MCM8: variants seen among roughly 807,000 people sequenced by gnomAD.
MCM8 encodes the protein DNA helicase MCM8.
MCM8 carries 85 observed loss-of-function variants against 98.9 expected under a neutral mutation model. That is an observed-to-expected ratio of 0.86 (90% CI 0.72 to 1.03). The LOEUF (loss-of-function observed/expected upper bound fraction) is 1.03. Ranked by LOEUF, MCM8 falls within the 50% of genes least tolerant of loss-of-function variation. MCM8 has a pLI of 0.00. For missense variants in MCM8, 951 were observed against 997.8 expected, an observed-to-expected ratio of 0.95 and a Z score of 0.63; for synonymous variants, 352 against 338.6, an observed-to-expected ratio of 1.04 and a Z score of -0.44.
chr20:5,986,054 C>T lies in MCM8; in HGVS notation c.2086C>T (p.Leu696Phe), dbSNP rs1568597098. 3 of 1,614,182 alleles carry T rather than the reference C, an allele frequency of 1.9e-6. No homozygotes were observed. The highest frequency in any genetic ancestry group is 2.5e-6 in the Non-Finnish European group (3 of 1,180,026). Residue 696 changes from leucine (L) to phenylalanine (F), a missense_variant, in exon 16 of 19, where the codon CTC (leucine) becomes TTC (phenylalanine). Physicochemically the swap from Leu to Phe is conservative, Grantham distance 22. Transcript: ENST00000610722. ...ARVLQDFYLE[L>F]RKQSQRLNSS... ...AGTTCTTCAAGATTTTTACCTTGAGCTCCGGAAACAGAGCCAGAGGTTAAA... is the reference window on the plus strand; with the variant it reads ...AGTTCTTCAAGATTTTTACCTTGAGTTCCGGAAACAGAGCCAGAGGTTAAA...
At chr20:5,973,279 AGT>A in intron 12 of MCM8, 83 bp downstream of exon 12, 1 of 1,552,208 alleles carries the variant, frequency 6.4e-7, no homozygotes, top group Non-Finnish European at 8.8e-7. Flanking sequence ...CAAAGCATGT[AGT>A]GTGTGTGTTC....
intron 6 of MCM8, among the ~76,000 whole-genome samples, chr20:5,957,563 A>G (rs1170963159): frequency 6.6e-6 from 1 of 152,200 alleles, no homozygotes; most frequent in African/African-American, 2.4e-5. Context: ...TGAAATCTGA[A>G]ATGCTCCAAA....
intron 13 of MCM8, among the ~76,000 whole-genome samples, chr20:5,980,853 CAG>C (rs889804535): frequency 7.8e-6 from 1 of 128,124 alleles, no homozygotes; most frequent in African/African-American, 3.0e-5. Flanking sequence ...GCCTGGGTAA[CAG>C]AACGAAACTC....
At chr20:5,980,510 T>C (rs998184848) in intron 13 of MCM8, among the ~76,000 whole-genome samples, 8 of 152,222 alleles carry the variant, frequency 5.3e-5, no homozygotes, top group South Asian at 4.1e-4. Flanking sequence ...ATATCTTTGC[T>C]AAGTTACCAG....
chr20:5,955,710 G>GT (rs1402674717), intron 5 of MCM8, among the ~76,000 whole-genome samples: 3 of 151,872 alleles, frequency 2.0e-5, no homozygotes, highest in Non-Finnish European at 2.9e-5. Context: ...GCTTGCCTGA[G>GT]TTTTTTTTCA....
At chr20:5,985,620 AC>A (rs2089716146) in intron 15 of MCM8, among the ~76,000 whole-genome samples, 1 of 151,502 alleles carries the variant, frequency 6.6e-6, no homozygotes, top group African/African-American at 2.4e-5. Context: ...ATCTTGGCTC[AC>A]TGCAACCTCT....
Position 5,952,488 on chromosome 20 carries a change from A to T in MCM8, c.213A>T (p.Arg71=). ...TPQSMQSTLD[R]FIPYKGWKLY... Reference sequence around the variant, plus strand: ...AGTCAATGCAGTCAACATTGGATCGATTCATACCATATAAAGGCTGGAAGC... The same window carrying T: ...AGTCAATGCAGTCAACATTGGATCGTTTCATACCATATAAAGGCTGGAAGC... Residue 71 remains arginine (R), a synonymous_variant, in exon 3 of 19, where the codon CGA becomes CGT. Transcript: ENST00000610722. The T allele has an allele frequency of 6.2e-7, 1 of 1,614,090 alleles. No individual in the cohort carries two copies. Among genetic ancestry groups the T allele is most frequent in the African/African-American group, 1.3e-5 (1 of 75,050 alleles).
In MCM8 at chr20:5,994,840, T is replaced by C; in HGVS notation, c.*449T>C. On this transcript the variant is annotated 3_prime_UTR_variant, in exon 19 of 19. Transcript: ENST00000610722. Reference sequence around the variant, plus strand: ...AGGAGGATTCTTTGAGCCCAGGAGTTTGAGGTTACAGTGAGCCACAATCAC... The same window carrying C: ...AGGAGGATTCTTTGAGCCCAGGAGTCTGAGGTTACAGTGAGCCACAATCAC... 7.6e-6 allele frequency: 3 copies of C among 396,570 alleles called. No homozygotes were observed. Among genetic ancestry groups the C allele is most frequent in the Non-Finnish European group, 1.0e-5 (2 of 200,550 alleles). 24.6% of individuals were successfully genotyped at this position (396,570 alleles called of 1,614,324 possible).
Position 5,997,585 on chromosome 20 carries a change from G to C in MCM8, c.*3194G>C, listed in dbSNP as rs1451248983. 6.6e-6 allele frequency: 1 copy of C among 152,362 alleles called. No individual in the cohort carries two copies. Among genetic ancestry groups the C allele is most frequent in the Non-Finnish European group, 1.5e-5 (1 of 68,306 alleles). 9.4% of individuals were successfully genotyped at this position (152,362 alleles called of 1,614,324 possible). On this transcript the variant is annotated 3_prime_UTR_variant, in exon 19 of 19. Coordinates refer to ENST00000610722, the MANE Select transcript of MCM8 (RefSeq NM_032485.6). ...CCACCTCAGCCTCCTGAATAGCTGA[G>C]ACTACAGGCATGCACCACTACACCT...
In MCM8 at chr20:5,994,330, T is replaced by C. The variant is rs1287706003; in HGVS notation, c.2462T>C (p.Leu821Pro). The change falls in exon 19 of 19, where the codon CTA (leucine) becomes CCA (proline). Residue 821 changes from leucine (L) to proline (P), a missense_variant. Transcript: ENST00000610722. ...VADFENFIGS[L>P]NDQGYLLKKG... is the part of the protein sequence containing the mutation. ...GATTTTGAAAATTTTATTGGATCAC[T>C]AAATGACCAGGGTTACCTCTTGAAA... 1 of 1,606,362 alleles carries C rather than the reference T, an allele frequency of 6.2e-7. No individual in the cohort carries two copies. Among genetic ancestry groups the C allele is most frequent in the Admixed American group, 1.7e-5 (1 of 58,294 alleles).
intron 10 of MCM8, among the ~76,000 whole-genome samples, chr20:5,969,593 CAA>C (rs11364488): frequency 5.7e-4 from 60 of 104,652 alleles, no homozygotes; most frequent in African/African-American, 7.9e-4. Flanking sequence ...CTCTGTCTCA[CAA>C]AAAAAAAAAA....
chr20:5,959,127 T>C (rs2089067898), intron 7 of MCM8, among the ~76,000 whole-genome samples: 2 of 151,458 alleles, frequency 1.3e-5, no homozygotes, highest in South Asian at 4.2e-4. Context: ...TTCTACTATT[T>C]AGAAGTGATG....
chr20:5,972,205 T>A (rs937617544), intron 11 of MCM8, among the ~76,000 whole-genome samples, 168 bp downstream of exon 11: 13 of 151,628 alleles, frequency 8.6e-5, no homozygotes, highest in African/African-American at 1.5e-4. Context: ...TTTTTTTTTT[T>A]AATTTTTTTA....
At chr20:5,978,869 C>T (rs926054713) in intron 13 of MCM8, among the ~76,000 whole-genome samples, 2 of 152,136 alleles carry the variant, frequency 1.3e-5, no homozygotes, top group East Asian at 1.9e-4. Context: ...TGGCCTACTT[C>T]AGAATGAATA....
At position 5,997,407 on chromosome 20, in the gene MCM8, C is replaced by T. The variant is rs78683040; in HGVS notation, c.*3016C>T. On this transcript the variant is annotated 3_prime_UTR_variant, in exon 19 of 19. Coordinates refer to ENST00000610722, the MANE Select transcript of MCM8 (RefSeq NM_032485.6). ...GTTGGTGAGGCTGGTTTTTAACTCC[C>T]GAACTCAGGTGATTGCCTGCCTCGG... is the stretch of plus-strand genomic sequence containing the variant. 6,541 of 152,064 alleles carry T rather than the reference C, an allele frequency of 0.043. 284 individuals carry two copies. The highest frequency in any genetic ancestry group is 0.12 in the South Asian group (579 of 4,820). 9.4% of individuals were successfully genotyped at this position (152,064 alleles called of 1,614,324 possible).
Position 5,994,994 on chromosome 20 carries a change from A to G in MCM8, c.*603A>G, listed in dbSNP as rs1457341211. ...AAAGGGCTAAAAGTAAATTACTTAT[A>G]AATTTTTTATAGTTGTATTTTTGAC... On this transcript the variant is annotated 3_prime_UTR_variant, in exon 19 of 19. Coordinates refer to ENST00000610722, the MANE Select transcript of MCM8 (RefSeq NM_032485.6). 5.7e-6 allele frequency: 1 copy of G among 174,754 alleles called. No homozygotes were observed. 10.8% of individuals were successfully genotyped at this position (174,754 alleles called of 1,614,324 possible). A position where few individuals can be genotyped will look rare whatever the true frequency, so the allele number is the denominator to read the frequency against.
At position 5,965,711 on chromosome 20, in the gene MCM8, T is replaced by G. The variant is rs1327030150; in HGVS notation, c.876-1725T>G. Among the ~76,000 whole-genome samples the G allele has an allele frequency of 7.9e-5, 12 of 152,352 alleles. No homozygotes were observed. The East Asian group carries it at 2.3e-3, about 29-fold the overall frequency. The stretch of plus-strand genomic sequence containing the variant: ...TCCCACATTTTAGTGTGCATCATAT[T>G]TGGACTGTAACTTTGTCATTTAGTA... On this transcript the variant is annotated intron_variant, in intron 8 of 18. Transcript: ENST00000610722.
rs1372132648 is a variant in MCM8, at chr20:5,986,220, G to A, written c.2163+89G>A. 4 of 1,195,982 alleles carry A rather than the reference G, an allele frequency of 3.3e-6. No homozygotes were observed. The South Asian group carries it at 5.3e-5, about 16-fold the overall frequency. 74.1% of individuals were successfully genotyped at this position (1,195,982 alleles called of 1,614,324 possible). A position where few individuals can be genotyped will look rare whatever the true frequency, so the allele number is the denominator to read the frequency against. ...CTTTTGAAGTATTTTCTGCATAATT[G>A]ACTCCATTTTCCTTTCTATAGAGAG... On this transcript the variant is annotated intron_variant, in intron 16 of 18. Coordinates refer to ENST00000610722, the MANE Select transcript of MCM8 (RefSeq NM_032485.6).
intron 8 of MCM8, among the ~76,000 whole-genome samples, 166 bp downstream of exon 8, chr20:5,963,525 C>CTTTTT (rs34718923): frequency 1.3e-4 from 14 of 110,436 alleles, no homozygotes; most frequent in Non-Finnish European, 1.9e-4. Flanking sequence ...TAAAATAATT[C>CTTTTT]TTTTTTTTTT....
Sources: gnomAD v4.1 joint callset for allele counts (sites outside exome capture counted in the v4.1 genomes callset) on GRCh38, gnomAD v4.1.1 for gene constraint, MANE v1.5 for transcripts, NCBI Gene and HGNC (gene_info 2026-07-23, HGNC 2026-07-21) for gene names.